MCC: variants seen among roughly 807,000 people sequenced by gnomAD.
The protein encoded by MCC is MCC regulator of Wnt signaling pathway, also known as colorectal mutant cancer protein.
Under a neutral mutation model 116.2 loss-of-function variants are expected in MCC, and 90 were observed. The ratio of observed to expected loss-of-function variants is 0.77; its 90% CI spans 0.65 to 0.92. The LOEUF (loss-of-function observed/expected upper bound fraction) is 0.92, where lower values mean the gene tolerates loss of function less well. Ranked by LOEUF, MCC falls within the 40% of genes least tolerant of loss-of-function variation. The pLI is 0.00. For synonymous variants in MCC, 578 were observed against 510.5 expected, an observed-to-expected ratio of 1.13 and a Z score of -1.78; for missense variants, 1,516 against 1,312.2, an observed-to-expected ratio of 1.16 and a Z score of -2.40.
intron 3 of MCC, among the ~76,000 whole-genome samples, chr5:113,262,573 C>G (rs1468491791): frequency 6.6e-6 from 1 of 152,156 alleles, no homozygotes; most frequent in Non-Finnish European, 1.5e-5. Flanking sequence ...AATTCCCCAT[C>G]ATGACCTTAA....
chr5:113,256,998 G>A (rs1765029637), intron 3 of MCC, among the ~76,000 whole-genome samples: 1 of 152,114 alleles, frequency 6.6e-6, no homozygotes, highest in Non-Finnish European at 1.5e-5. Context: ...AGGAGGTCTG[G>A]ATGGTTACTA....
intron 3 of MCC, among the ~76,000 whole-genome samples, chr5:113,242,615 C>T (rs757657258): frequency 2.6e-5 from 4 of 151,946 alleles, no homozygotes; most frequent in Non-Finnish European, 4.4e-5. Flanking sequence ...GCCCAAAAAA[C>T]TAATGCCTTC....
chr5:113,044,606 C>T (rs967485110), intron 16 of MCC: 2 of 354,932 alleles, frequency 5.6e-6, no homozygotes, highest in African/African-American at 2.2e-5. Flanking sequence ...TGGAGTTTTG[C>T]TCTCGTTGCC....
At chr5:113,428,184 C>T (rs1001929999) in intron 1 of MCC, among the ~76,000 whole-genome samples, 1 of 152,126 alleles carries the variant, frequency 6.6e-6, no homozygotes, top group African/African-American at 2.4e-5. Flanking sequence ...CATATAAAAT[C>T]TTCAACCTCT....
chr5:113,086,307 G>GGGGGTGAGAGTCA lies in MCC; in HGVS notation c.1399-998_1399-997insTGACTCTCACCCC, dbSNP rs1554115971. ...GATGGCTTTAGTGGTGATATGCCTGGGGGGTTGAACAGGTGCTAGGATGAT... is the reference window on the plus strand; with the variant it reads ...GATGGCTTTAGTGGTGATATGCCTGGGGGGTGAGAGTCAGGGGTTGAACAGGTGCTAGGATGAT... On this transcript the variant is annotated intron_variant, in intron 8 of 18. Coordinates refer to ENST00000408903, the MANE Select transcript of MCC (RefSeq NM_001085377.2). Among the ~76,000 whole-genome samples the GGGGGTGAGAGTCA allele has an allele frequency of 7.8e-4, 38 of 48,998 alleles. No individual in the cohort carries two copies. In the African/African-American group the frequency reaches 8.1e-3, roughly 10 times the overall value. 32.1% of individuals were successfully genotyped at this position (48,998 alleles called of 152,430 possible).
intron 3 of MCC, among the ~76,000 whole-genome samples, chr5:113,183,418 C>T (rs1240835577): frequency 6.6e-6 from 1 of 152,188 alleles, no homozygotes; most frequent in African/African-American, 2.4e-5. Flanking sequence ...TCAGACTCCT[C>T]TTAAAAACAT....
chr5:113,314,697 C>T lies in MCC; in HGVS notation c.627+25822G>A, dbSNP rs143211261. Among the ~76,000 whole-genome samples the T allele has an allele frequency of 2.6e-3, 397 of 152,306 alleles. 7 individuals are homozygous for T. In the East Asian group the frequency reaches 0.03, roughly 11 times the overall value. ...CTGCCTCCTGGGTTCAAGCGATTCT[C>T]CTGCCTCAGCTTCCCGAGTAGCTGG... On this transcript the variant is annotated intron_variant, in intron 3 of 18. Coordinates refer to ENST00000408903, the MANE Select transcript of MCC (RefSeq NM_001085377.2).
At chr5:113,453,254 C>T (rs755413901) in intron 1 of MCC, among the ~76,000 whole-genome samples, 2 of 152,128 alleles carry the variant, frequency 1.3e-5, no homozygotes, top group African/African-American at 2.4e-5. Context: ...TCATCTAACA[C>T]GTCCACTTCT....
intron 3 of MCC, among the ~76,000 whole-genome samples, chr5:113,324,093 CG>C (rs1354742967): frequency 6.6e-6 from 1 of 152,068 alleles, no homozygotes; most frequent in African/African-American, 2.4e-5. Context: ...ATGGCCTCTG[CG>C]GTGTTGCAAG....
intron 2 of MCC, among the ~76,000 whole-genome samples, chr5:113,356,063 A>AT (rs5870538): frequency 0.79 from 111,002 of 140,194 alleles, 44,478 homozygotes; most frequent in East Asian, 0.89. Context: ...GGCAAGGTGT[A>AT]TTTTTTTTTT....
At chr5:113,313,888 A>G (rs540493455) in intron 3 of MCC, among the ~76,000 whole-genome samples, 2 of 152,014 alleles carry the variant, frequency 1.3e-5, no homozygotes, top group Non-Finnish European at 2.9e-5. Context: ...TGGTGTGATC[A>G]CAGCTCACTG....
At chr5:113,267,759 T>G (rs1765473382) in intron 3 of MCC, among the ~76,000 whole-genome samples, 1 of 152,060 alleles carries the variant, frequency 6.6e-6, no homozygotes, top group African/African-American at 2.4e-5. Context: ...CTTTTGGGAG[T>G]AATGAAAATG....
At chr5:113,224,404 T>C (rs923554689) in intron 3 of MCC, among the ~76,000 whole-genome samples, 1 of 152,212 alleles carries the variant, frequency 6.6e-6, no homozygotes, top group South Asian at 2.1e-4. Flanking sequence ...AGTATTGTTA[T>C]ATAGTTTTTA....
At chr5:113,116,129 T>C (rs748492911) in intron 6 of MCC, among the ~76,000 whole-genome samples, 34 of 152,162 alleles carry the variant, frequency 2.2e-4, no homozygotes, top group Non-Finnish European at 7.3e-5. Context: ...TTAGATAGGC[T>C]GTCTCCTGCC....
intron 2 of MCC, among the ~76,000 whole-genome samples, chr5:113,369,133 C>A (rs1768775844): frequency 6.6e-6 from 1 of 151,834 alleles, no homozygotes; most frequent in African/African-American, 2.4e-5. Context: ...TTAATGGACA[C>A]TTCATTACAT....
At position 113,074,715 on chromosome 5, in the gene MCC, C is replaced by T. The variant is rs1052359585; in HGVS notation, c.1785-3481G>A. On this transcript the variant is annotated intron_variant, in intron 11 of 18. Transcript: ENST00000408903. ...TAAATGACCTGAAGGAGCTGAAAAC[C>T]ACGGCACAAGAACTACATGATGCAT... Among the ~76,000 whole-genome samples, 5 of 152,302 alleles carry T rather than the reference C, an allele frequency of 3.3e-5. No individual in the cohort carries two copies. The South Asian group carries it at 6.2e-4, about 19-fold the overall frequency.
rs531185208 is a variant in MCC at position 113,131,768 on chromosome 5, C to T, written c.885-8942G>A. On this transcript the variant is annotated intron_variant, in intron 5 of 18. Coordinates refer to ENST00000408903, the MANE Select transcript of MCC (RefSeq NM_001085377.2). ...CCAAACCCATGTGAGTGCATTTCAT[C>T]GGCAGAGTTAAAACTCTATCCAGAA... Among the ~76,000 whole-genome samples, 5 of 152,246 alleles carry T rather than the reference C, an allele frequency of 3.3e-5. 1 individual carries two copies. The South Asian group carries it at 8.3e-4, about 25-fold the overall frequency.
intron 2 of MCC, among the ~76,000 whole-genome samples, chr5:113,365,607 T>C (rs577922080): frequency 6.6e-6 from 1 of 152,318 alleles, no homozygotes; most frequent in Admixed American, 6.5e-5. Context: ...ACCCCACTAC[T>C]TGGTACCAAT....
intron 1 of MCC, among the ~76,000 whole-genome samples, chr5:113,461,874 G>T (rs992877313): frequency 6.6e-6 from 1 of 151,948 alleles, no homozygotes; most frequent in Admixed American, 6.6e-5. Context: ...GAAGTGAAAG[G>T]TTTTCCCATC....
Sources: gnomAD v4.1 joint callset for allele counts (sites outside exome capture counted in the v4.1 genomes callset) on GRCh38, gnomAD v4.1.1 for gene constraint, MANE v1.5 for transcripts, NCBI Gene and HGNC (gene_info 2026-07-23, HGNC 2026-07-21) for gene names.